Variants in GRID2 observed in about 807,000 individuals in gnomAD.
The protein encoded by GRID2 is glutamate ionotropic receptor delta type subunit 2.
Under a neutral mutation model 114.8 loss-of-function variants are expected in GRID2, and 33 were observed. The observed-to-expected ratio is 0.29, with a 90% CI of 0.22 to 0.38. The LOEUF (loss-of-function observed/expected upper bound fraction) is 0.38. Among genes scored for constraint, GRID2 ranks in the 10% least tolerant of loss-of-function variants. The pLI, the probability that GRID2 is intolerant of heterozygous loss-of-function variation, is 1.00. For synonymous variants in GRID2, 505 were observed against 449.9 expected (o/e 1.12, Z -1.55); for missense variants, 1,184 against 1,257.7 (o/e 0.94, Z 0.89).
chr4:93,809,221 C>A (rs1399069966), exon 2 of GRID2: 1 of 152,160 alleles, frequency 6.6e-6, no homozygotes. Flanking sequence ...GCCTGGCCTT[C>A]CATTTCTGAT....
intron 2 of GRID2, among the ~76,000 whole-genome samples, chr4:92,622,093 A>G (rs1730304195): frequency 6.6e-6 from 1 of 151,806 alleles, no homozygotes; most frequent in Admixed American, 6.6e-5. Context: ...GTGGAAGTAC[A>G]GTGCAGAGTG....
At chr4:93,761,107 T>G (rs1733169792) in intron 14 of GRID2, among the ~76,000 whole-genome samples, 1 of 152,208 alleles carries the variant, frequency 6.6e-6, no homozygotes, top group African/African-American at 2.4e-5. Context: ...TGAAATTCTC[T>G]CTCAGCGTGG....
chr4:93,126,758 C>T (rs972446449), intron 4 of GRID2, among the ~76,000 whole-genome samples: 3 of 150,864 alleles, frequency 2.0e-5, no homozygotes, highest in African/African-American at 4.9e-5. Context: ...CTACCACGCC[C>T]GGCTAATTTT....
At chr4:93,014,905 T>C (rs911088573) in intron 2 of GRID2, among the ~76,000 whole-genome samples, 1 of 152,156 alleles carries the variant, frequency 6.6e-6, no homozygotes, top group African/African-American at 2.4e-5. Flanking sequence ...CATATCTATT[T>C]AATACAAAAG....
chr4:92,878,316 T>C (rs1349159616), intron 2 of GRID2, among the ~76,000 whole-genome samples: 2 of 152,160 alleles, frequency 1.3e-5, no homozygotes, highest in Non-Finnish European at 2.9e-5. Context: ...TTCCAACTGA[T>C]GGTGATAGTA....
At chr4:93,078,286 AG>A (rs1417368897) in intron 2 of GRID2, among the ~76,000 whole-genome samples, 1 of 152,124 alleles carries the variant, frequency 6.6e-6, no homozygotes, top group Non-Finnish European at 1.5e-5. Context: ...TCTGTAGCAA[AG>A]GCTTCCCCAA....
At chr4:92,458,459 G>C (rs1034670715) in intron 1 of GRID2, among the ~76,000 whole-genome samples, 1 of 152,174 alleles carries the variant, frequency 6.6e-6, no homozygotes, top group Non-Finnish European at 1.5e-5. Flanking sequence ...AGGAGTCACA[G>C]TGGCACATGG....
chr4:93,526,795 G>C (rs192450135), intron 13 of GRID2, among the ~76,000 whole-genome samples: 79 of 152,190 alleles, frequency 5.2e-4, no homozygotes, highest in African/African-American at 1.9e-3. Context: ...GGCAACAAGA[G>C]TGAAACTCCA....
chr4:93,069,639 G>A (rs2149303519), intron 2 of GRID2, among the ~76,000 whole-genome samples: 2 of 152,180 alleles, frequency 1.3e-5, no homozygotes, highest in South Asian at 4.1e-4. Context: ...CTGGAGGAAG[G>A]ACTGGTCAGT....
intron 8 of GRID2, among the ~76,000 whole-genome samples, chr4:93,352,605 G>A (rs1760910129): frequency 6.6e-6 from 1 of 151,984 alleles, no homozygotes; most frequent in Admixed American, 6.6e-5. Context: ...CAGGCAGTCT[G>A]GCTCCAAAGT....
intron 8 of GRID2, among the ~76,000 whole-genome samples, chr4:93,249,729 A>G (rs2149529047): frequency 6.6e-6 from 1 of 152,300 alleles, no homozygotes; most frequent in African/African-American, 2.4e-5. Flanking sequence ...TATGCAGCCA[A>G]CAAACATATG....
chr4:92,424,365 T>G (rs2110329871), intron 1 of GRID2, among the ~76,000 whole-genome samples: 1 of 152,206 alleles, frequency 6.6e-6, no homozygotes, highest in Middle Eastern at 3.4e-3. Flanking sequence ...AACTTACAAC[T>G]GGACAATACT....
chr4:93,180,148 C>G (rs11945891), intron 4 of GRID2, among the ~76,000 whole-genome samples: 6 of 151,900 alleles, frequency 3.9e-5, no homozygotes, highest in African/African-American at 1.4e-4. Context: ...ACATGCAACC[C>G]GTCAAAAAAG....
At chr4:92,765,439 T>C (rs190712090) in intron 2 of GRID2, among the ~76,000 whole-genome samples, 1 of 152,304 alleles carries the variant, frequency 6.6e-6, no homozygotes, top group East Asian at 1.9e-4. Flanking sequence ...TTGGAAGCTG[T>C]CGTTGATCTC....
At chr4:92,971,923 T>G (rs1485020910) in intron 2 of GRID2, among the ~76,000 whole-genome samples, 1 of 152,152 alleles carries the variant, frequency 6.6e-6, no homozygotes, top group African/African-American at 2.4e-5. Flanking sequence ...CACATTCTCT[T>G]TATTCATTCA....
intron 11 of GRID2, among the ~76,000 whole-genome samples, chr4:93,462,535 G>A (rs1580154025): frequency 1.3e-5 from 2 of 152,140 alleles, no homozygotes; most frequent in Non-Finnish European, 1.5e-5. Context: ...GACAATTTTT[G>A]GAAGAAAATA....
chr4:93,342,787 T>C (rs1472474944), intron 8 of GRID2, among the ~76,000 whole-genome samples: 2 of 152,180 alleles, frequency 1.3e-5, no homozygotes, highest in Admixed American at 1.3e-4. Flanking sequence ...TCTTAACTTG[T>C]GTATTTTTTT....
At chr4:93,310,456 G>A (rs1042714538) in intron 8 of GRID2, among the ~76,000 whole-genome samples, 4 of 152,070 alleles carry the variant, frequency 2.6e-5, no homozygotes, top group Non-Finnish European at 5.9e-5. Flanking sequence ...GCTTGAACCC[G>A]GGAGATGGAG....
chr4:93,750,162 C>G (rs950220078), intron 14 of GRID2, among the ~76,000 whole-genome samples: 2 of 152,158 alleles, frequency 1.3e-5, no homozygotes, highest in African/African-American at 4.8e-5. Context: ...CATTACCTGG[C>G]CTAAGGAGCT....
Sources: gnomAD v4.1 joint callset for allele counts (sites outside exome capture counted in the v4.1 genomes callset) on GRCh38, gnomAD v4.1.1 for gene constraint, MANE v1.5 for transcripts, NCBI Gene and HGNC (gene_info 2026-07-23, HGNC 2026-07-21) for gene names.